ARHGEF40: variants seen among roughly 807,000 people sequenced by gnomAD.
ARHGEF40 encodes Rho guanine nucleotide exchange factor (GEF) 40.
ARHGEF40 carries 98 observed loss-of-function variants against 165.9 expected under a neutral mutation model. The ratio of observed to expected loss-of-function variants is 0.59; its 90% CI spans 0.50 to 0.70. The LOEUF (loss-of-function observed/expected upper bound fraction) is 0.70. Ranked by LOEUF, ARHGEF40 falls within the 30% of genes least tolerant of loss-of-function variation. ARHGEF40 has a pLI of 0.00. For synonymous variants in ARHGEF40, 792 were observed against 814.3 expected, an observed-to-expected ratio of 0.97 and a Z score of 0.47; for missense variants, 1,815 against 1,968.0, an observed-to-expected ratio of 0.92 and a Z score of 1.47.
chr14:21,074,972 T>C lies in ARHGEF40; in HGVS notation c.1242T>C (p.Leu414=), dbSNP rs1404385822. The C allele has an allele frequency of 6.2e-7, 1 of 1,611,174 alleles. No individual in the cohort carries two copies. The highest frequency in any genetic ancestry group is 2.2e-5 in the East Asian group (1 of 44,856). ...AAGATGCCAGCCACCAAGAAGCCCT[T>C]GGCAATCTGCCCTCACCAAGTGAGC... ...DKEDASHQEA[L]GNLPSPSEHK... Residue 414 remains leucine (L), a synonymous_variant, in exon 3 of 24, where the codon CTT becomes CTC. Transcript: ENST00000298694. The surrounding 1 kb of genome is among the most constrained non-coding windows in gnomAD (Gnocchi z 4.8).
At chr14:21,078,138 A>G in intron 8 of ARHGEF40, 39 bp from the exon 9 acceptor site, 5 of 1,571,570 alleles carry the variant, frequency 3.2e-6, no homozygotes, top group Non-Finnish European at 4.3e-6. Context: ...TCCTTCTTAA[A>G]CTCTGATCCT....
At chr14:21,083,387 A>G (rs1888085090) in intron 16 of ARHGEF40, among the ~76,000 whole-genome samples, 1 of 136,814 alleles carries the variant, frequency 7.3e-6, no homozygotes, top group African/African-American at 2.7e-5. Flanking sequence ...AGAAATACAA[A>G]AAAAAAAAAA....
Position 21,076,780 on chromosome 14 carries a change from G to A in ARHGEF40, c.1924G>A (p.Glu642Lys), listed in dbSNP as rs1430629156. ...CCTGCCTTACCCTCTACAGGGTGCT[G>A]AGGTGCTGTCAGAGAATGATCTGAA... is the stretch of plus-strand genomic sequence containing the variant. ...PTELCGFQGA[E>K]VLSENDLKRV... The change falls in exon 8 of 24, where the codon GAG becomes AAG. Residue 642 changes from glutamate to lysine, a missense_variant. Coordinates refer to ENST00000298694, the MANE Select transcript of ARHGEF40 (RefSeq NM_018071.5). The A allele has an allele frequency of 6.2e-7, 1 of 1,614,002 alleles. No individual in the cohort carries two copies. Among genetic ancestry groups the A allele is most frequent in the African/African-American group, 1.3e-5 (1 of 74,894 alleles).
Position 21,075,810 on chromosome 14 carries a change from T to C in ARHGEF40, c.1739+45T>C, listed in dbSNP as rs191691049. The C allele has an allele frequency of 8.7e-4, 1,385 of 1,592,430 alleles. No individual in the cohort carries two copies. Among genetic ancestry groups the C allele is most frequent in the Admixed American group, 1.3e-3 (77 of 58,866 alleles). On this transcript the variant is annotated intron_variant, in intron 5 of 23. Transcript: ENST00000298694. This position sits in a 1 kb window ranked among gnomAD's most constrained non-coding sequence, Gnocchi z 4.5. ...GGCACCCTGGACACTAACCTCCTGA[T>C]TCATGAGGACCCTCACCTCCTTCTT... is the stretch of plus-strand genomic sequence containing the variant.
Position 21,075,685 on chromosome 14 carries a change from C to T in ARHGEF40, c.1659C>T (p.Thr553=). ...GTGGGCGAGCTCTGCTGACCATTAC[C>T]CCACCGTGCCCTCCTGAGGAGCCCC... ...DQSGRALLTI[T]PPCPPEEPPP... is the part of the protein sequence containing the mutation. Residue 553 remains threonine (T), a synonymous_variant, in exon 5 of 24, where the codon ACC becomes ACT. Coordinates refer to ENST00000298694, the MANE Select transcript of ARHGEF40 (RefSeq NM_018071.5). The surrounding 1 kb of genome is among the most constrained non-coding windows in gnomAD (Gnocchi z 4.5). 3 of 1,613,882 alleles carry T rather than the reference C, an allele frequency of 1.9e-6. No individual in the cohort carries two copies. The highest frequency in any genetic ancestry group is 2.5e-6 in the Non-Finnish European group (3 of 1,179,998).
rs371187488 is a variant in ARHGEF40, at chr14:21,076,885, C to T, written c.2029C>T (p.His677Tyr). ...DPSPSHWVEI[H>Y]QEVVRLCRLC... Reference sequence around the variant, plus strand: ...CTCTCCCAGTCACTGGGTAGAGATACACCAGGTAAGCTTCCCCTCTACCAC... The same window carrying T: ...CTCTCCCAGTCACTGGGTAGAGATATACCAGGTAAGCTTCCCCTCTACCAC... Residue 677 changes from histidine (H) to tyrosine (Y), a missense_variant, in exon 8 of 24, where the codon CAC becomes TAC. By Grantham distance (83) the His-to-Tyr change is moderately conservative. Coordinates refer to ENST00000298694, the MANE Select transcript of ARHGEF40 (RefSeq NM_018071.5). The T allele has an allele frequency of 1.2e-6, 2 of 1,611,996 alleles. No individual in the cohort carries two copies. The highest frequency in any genetic ancestry group is 1.7e-6 in the Non-Finnish European group (2 of 1,179,026).
intron 19 of ARHGEF40, chr14:21,086,369 C>T (rs1566539270): frequency 6.9e-6 from 1 of 145,864 alleles, no homozygotes; most frequent in East Asian, 2.0e-4. Flanking sequence ...GAGCAAGACT[C>T]TGTCTTTAAA....
At chr14:21,071,952 A>G (rs1214414157) in intron 1 of ARHGEF40, among the ~76,000 whole-genome samples, 3 of 152,248 alleles carry the variant, frequency 2.0e-5, no homozygotes, top group Non-Finnish European at 4.4e-5. Flanking sequence ...GATGGAGCTC[A>G]GAGAAAAATA....
At chr14:21,087,847 C>A in intron 21 of ARHGEF40, 121 bp from the exon 22 acceptor site, 1 of 1,385,424 alleles carries the variant, frequency 7.2e-7, no homozygotes, top group South Asian at 1.2e-5. Flanking sequence ...AACTGGATCG[C>A]TATGGTGACT....
intron 10 of ARHGEF40, 70 bp downstream of exon 10, chr14:21,078,558 A>G: frequency 7.0e-7 from 1 of 1,432,854 alleles, no homozygotes. Context: ...CTGCCAACAA[A>G]CCTTAGCTGC....
intron 11 of ARHGEF40, among the ~76,000 whole-genome samples, chr14:21,079,624 T>A (rs531686595): frequency 2.0e-5 from 3 of 152,302 alleles, no homozygotes; most frequent in Admixed American, 6.5e-5. Flanking sequence ...TGAAATCTGA[T>A]TGTTCCTCCT....
At chr14:21,065,955 TG>T (rs1279134108), upstream of ARHGEF40, among the ~76,000 whole-genome samples, 1 of 152,064 alleles carries the variant, frequency 6.6e-6, no homozygotes, top group African/African-American at 2.4e-5. Context: ...AAAAATTAGC[TG>T]GGTGTGGTGG....
chr14:21,085,809 C>A lies in ARHGEF40; in HGVS notation c.4081C>A (p.Leu1361Ile), dbSNP rs1312931568. 1 of 1,614,090 alleles carries A rather than the reference C, an allele frequency of 6.2e-7. No individual in the cohort carries two copies. The highest frequency in any genetic ancestry group is 1.7e-5 in the Admixed American group (1 of 60,012). ...TLQATSPEIKLKWTSSIAQLL... is the reference protein window; with the variant it reads ...TLQATSPEIKIKWTSSIAQLL... ...GCAGGCAACCTCACCAGAGATCAAA[C>A]TCAAGTGGACAAGTTCTATTGCCCA... is the stretch of plus-strand genomic sequence containing the variant. The change falls in exon 19 of 24, where the codon CTC (leucine) becomes ATC (isoleucine). Residue 1361 changes from leucine to isoleucine, a missense_variant. Coordinates refer to ENST00000298694, the MANE Select transcript of ARHGEF40 (RefSeq NM_018071.5).
chr14:21,070,336 G>A lies in ARHGEF40; in HGVS notation c.-61G>A. The A allele has an allele frequency of 2.1e-6, 3 of 1,398,240 alleles. No individual in the cohort carries two copies. Among genetic ancestry groups the A allele is most frequent in the Admixed American group, 3.1e-5 (1 of 31,864 alleles). The allele number at this position is 1,398,240 out of a possible 1,614,324, so 86.6% of individuals were successfully genotyped here. Reference sequence around the variant, plus strand: ...GCGAGACACGAGCGGCGGGAGGGAGGCGGTGGCGCGCCCGGCCCCGCCCGC... The same window carrying A: ...GCGAGACACGAGCGGCGGGAGGGAGACGGTGGCGCGCCCGGCCCCGCCCGC... On this transcript the variant is annotated 5_prime_UTR_variant, in exon 1 of 24. Coordinates refer to ENST00000298694, the MANE Select transcript of ARHGEF40 (RefSeq NM_018071.5). This position sits in a 1 kb window ranked among gnomAD's most constrained non-coding sequence, Gnocchi z 4.7.
chr14:21,079,039 C>G (rs769086994), intron 11 of ARHGEF40, 29 bp downstream of exon 11: 4 of 1,602,852 alleles, frequency 2.5e-6, no homozygotes, highest in Non-Finnish European at 3.4e-6. Context: ...GTCCCTCTTA[C>G]TCAGCCTGGG....
Position 21,088,922 on chromosome 14 carries a change from T to A in ARHGEF40, c.*5+46T>A, listed in dbSNP as rs778988077. The A allele has an allele frequency of 2.5e-6, 4 of 1,588,224 alleles. No homozygotes were observed. In the Admixed American group the frequency reaches 6.8e-5, roughly 27 times the overall value. ...TCTACCACATCCAGCACTCCTACCA[T>A]CTTGCATGTACCTTCCTTCCTGTCC... On this transcript the variant is annotated intron_variant, in intron 23 of 23. Coordinates refer to ENST00000298694, the MANE Select transcript of ARHGEF40 (RefSeq NM_018071.5).
chr14:21,076,929 G>A, intron 8 of ARHGEF40, 39 bp downstream of exon 8: 1 of 1,541,396 alleles, frequency 6.5e-7, no homozygotes, highest in South Asian at 1.1e-5. Context: ...CTGGGAGCCA[G>A]GAATAACCCA....
chr14:21,074,130 G>T lies in ARHGEF40; in HGVS notation c.400G>T (p.Val134Phe), dbSNP rs1282863709. The T allele has an allele frequency of 4.3e-6, 7 of 1,614,024 alleles. No individual in the cohort carries two copies. The highest frequency in any genetic ancestry group is 1.3e-5 in the African/African-American group (1 of 74,922). ...CCCTGGGGGTGGGCGGGTGCAGGAG[G>T]TTCCTGTGCCCAATGAGGCTTGTGC... is the stretch of plus-strand genomic sequence containing the variant. ...LAPGGGRVQE[V>F]PVPNEACAYL... The change falls in exon 3 of 24, where the codon GTT (valine) becomes TTT (phenylalanine). Residue 134 changes from valine (V) to phenylalanine (F), a missense_variant. Coordinates refer to ENST00000298694, the MANE Select transcript of ARHGEF40 (RefSeq NM_018071.5). This position sits in a 1 kb window ranked among gnomAD's most constrained non-coding sequence, Gnocchi z 4.8.
chr14:21,071,216 A>G (rs1886810001), intron 1 of ARHGEF40, among the ~76,000 whole-genome samples: 1 of 152,096 alleles, frequency 6.6e-6, no homozygotes, highest in Non-Finnish European at 1.5e-5. Flanking sequence ...GGGTACGCTA[A>G]GGAGAAGCCC....
Sources: allele counts gnomAD v4.1 joint callset (sites outside exome capture counted in the v4.1 genomes callset), GRCh38; gene constraint gnomAD v4.1.1; non-coding constraint Gnocchi (gnomAD v3.1); transcripts MANE v1.5; gene names NCBI Gene and HGNC (gene_info 2026-07-23, HGNC 2026-07-21).